The following BCO2 variants were observed in gnomAD, a reference collection of about 807,000 sequenced individuals.
BCO2 encodes carotenoid-cleaving dioxygenase, mitochondrial.
In BCO2, 56 loss-of-function variants were observed where a neutral mutation model predicts 65.8. The observed-to-expected ratio is 0.85, with a 90% CI of 0.69 to 1.06. The LOEUF (loss-of-function observed/expected upper bound fraction) is 1.06. BCO2 is among the 50% of genes least tolerant of loss of function. The probability of loss-of-function intolerance (pLI) is 0.00; values close to 1 mark genes in which losing one functional copy is unlikely to be tolerated. For missense variants in BCO2, 675 were observed against 698.5 expected, an observed-to-expected ratio of 0.97 and a Z score of 0.38; for synonymous variants, 233 against 242.3, an observed-to-expected ratio of 0.96 and a Z score of 0.36.
chr11:112,179,292 A>C lies in BCO2; in HGVS notation c.103A>C (p.Met35Leu), dbSNP rs1328331625. Reference protein sequence around the residue: ...VHRLPVFKRYMGNTPQKKAVF... With the variant: ...VHRLPVFKRYLGNTPQKKAVF... ...CCTCTGCACAGTTTTCAAAAGGTAC[A>C]TGGGAAATACTCCTCAGAAAAAAGC... The change falls in exon 2 of 12, where the codon ATG (methionine) becomes CTG (leucine). Residue 35 changes from methionine (M) to leucine (L), a missense_variant. Transcript: ENST00000357685. 1 of 1,614,070 alleles carries C rather than the reference A, an allele frequency of 6.2e-7. No homozygotes were observed. Among genetic ancestry groups the C allele is most frequent in the African/African-American group, 1.3e-5 (1 of 74,924 alleles).
chr11:112,180,389 T>C (rs1356975093), intron 2 of BCO2, among the ~76,000 whole-genome samples: 2 of 152,236 alleles, frequency 1.3e-5, no homozygotes, highest in East Asian at 3.9e-4. Flanking sequence ...CAGTGTCTGG[T>C]ATTTTTTATT....
At position 112,214,772 on chromosome 11, in the gene BCO2, C is replaced by G. The variant is rs150993927; in HGVS notation, c.1343C>G (p.Ser448Cys). The G allele has an allele frequency of 2.7e-5, 43 of 1,612,962 alleles. No homozygotes were observed. The highest frequency in any genetic ancestry group is 2.9e-5 in the Non-Finnish European group (34 of 1,179,086). The change falls in exon 10 of 12, where the codon TCT becomes TGT. Residue 448 changes from serine (S) to cysteine (C), a missense_variant. Transcript: ENST00000357685. ...TGAAATCTCTTTTAGATCTGGTGCT[C>G]TCATGAAAATCTACATCAGGAGGAC... The part of the protein sequence containing the change: ...VKQADGTIWC[S>C]HENLHQEDLE...
intron 7 of BCO2, 103 bp from the exon 8 acceptor site, chr11:112,201,920 C>CTAAT: frequency 9.9e-7 from 1 of 1,006,214 alleles, no homozygotes; most frequent in South Asian, 1.9e-5. Flanking sequence ...GAAAATCTTT[C>CTAAT]TAATTTTCTT....
At chr11:112,190,642 G>A (rs1016090022) in intron 2 of BCO2, among the ~76,000 whole-genome samples, 1 of 151,996 alleles carries the variant, frequency 6.6e-6, no homozygotes, top group Non-Finnish European at 1.5e-5. Flanking sequence ...GGATCACAAG[G>A]TCAGGAGATC....
chr11:112,203,825 C>T (rs950458892), intron 8 of BCO2, among the ~76,000 whole-genome samples: 1 of 151,944 alleles, frequency 6.6e-6, no homozygotes, highest in African/African-American at 2.4e-5. Context: ...TAAAAAATTC[C>T]ACATAAAAAT....
chr11:112,177,378 T>C (rs1389741628), intron 1 of BCO2, among the ~76,000 whole-genome samples: 1 of 152,146 alleles, frequency 6.6e-6, no homozygotes, highest in East Asian at 1.9e-4. Context: ...AAACTGCATT[T>C]TAGCAGTAAC....
chr11:112,198,131 T>C (rs1867631286), intron 5 of BCO2, among the ~76,000 whole-genome samples: 1 of 152,212 alleles, frequency 6.6e-6, no homozygotes, highest in Admixed American at 6.5e-5. Flanking sequence ...TTTTTACTTA[T>C]TATATGATTT....
intron 5 of BCO2, among the ~76,000 whole-genome samples, chr11:112,196,240 G>C (rs1468177895): frequency 6.6e-6 from 1 of 151,896 alleles, no homozygotes; most frequent in Non-Finnish European, 1.5e-5. Flanking sequence ...TAATCCCAAC[G>C]AACACTGAAT....
At position 112,202,201 on chromosome 11, in the gene BCO2, G is replaced by C. The variant is rs1867754714; in HGVS notation, c.1194+11G>C. On this transcript the variant is annotated intron_variant, in intron 8 of 11. Coordinates refer to ENST00000357685, the MANE Select transcript of BCO2 (RefSeq NM_031938.7). Reference sequence around the variant, plus strand: ...GAAGGGCTTGATCAGGTAAACATTAGAATTTGTCAAGAGTCATCAAAATAA... The same window carrying C: ...GAAGGGCTTGATCAGGTAAACATTACAATTTGTCAAGAGTCATCAAAATAA... The C allele has an allele frequency of 6.3e-7, 1 of 1,597,760 alleles. No homozygotes were observed. The highest frequency in any genetic ancestry group is 1.4e-5 in the African/African-American group (1 of 73,750).
At chr11:112,201,552 G>A (rs985910722) in intron 7 of BCO2, among the ~76,000 whole-genome samples, 2 of 151,966 alleles carry the variant, frequency 1.3e-5, no homozygotes, top group Non-Finnish European at 2.9e-5. Context: ...TATTATATTT[G>A]CCTACTTTTT....
At position 112,202,088 on chromosome 11, in the gene BCO2, C is replaced by A; in HGVS notation, c.1092C>A (p.Asp364Glu). The stretch of plus-strand genomic sequence containing the variant: ...TTCATCAAATCAATGCCTTTGAGGA[C>A]CAGGGCTGTGTTATAATTGATTTGT... ...VTFHQINAFE[D>E]QGCVIIDLCC... The change falls in exon 8 of 12, where the codon GAC becomes GAA. Residue 364 changes from aspartate (D) to glutamate (E), a missense_variant. Coordinates refer to ENST00000357685, the MANE Select transcript of BCO2 (RefSeq NM_031938.7). The A allele has an allele frequency of 6.2e-7, 1 of 1,613,654 alleles. No individual in the cohort carries two copies. Among genetic ancestry groups the A allele is most frequent in the South Asian group, 1.1e-5 (1 of 91,030 alleles).
At chr11:112,180,738 T>C (rs1168990299) in intron 2 of BCO2, 12 of 826,102 alleles carry the variant, frequency 1.5e-5, no homozygotes, top group Non-Finnish European at 2.6e-5. Flanking sequence ...GGTGGGAGGG[T>C]GGTGGCCCAC....
intron 8 of BCO2, among the ~76,000 whole-genome samples, chr11:112,209,156 C>T (rs928231842): frequency 5.3e-5 from 8 of 152,084 alleles, no homozygotes; most frequent in Non-Finnish European, 1.0e-4. Flanking sequence ...ACAGTTCTAC[C>T]GGTTTTGAAA....
intron 8 of BCO2, chr11:112,208,983 G>A (rs889533314): frequency 1.3e-5 from 2 of 153,278 alleles, no homozygotes; most frequent in East Asian, 3.8e-4. Context: ...GTTTTTTAGA[G>A]CAATTTTACT....
At chr11:112,186,974 C>T (rs1051087643) in intron 2 of BCO2, among the ~76,000 whole-genome samples, 5 of 152,158 alleles carry the variant, frequency 3.3e-5, no homozygotes, top group African/African-American at 4.8e-5. Flanking sequence ...CCTGGACTAT[C>T]GCCACTGTAA....
intron 2 of BCO2, among the ~76,000 whole-genome samples, chr11:112,190,543 C>G (rs182603642): frequency 1.2e-3 from 176 of 152,188 alleles, no homozygotes; most frequent in Non-Finnish European, 2.0e-3. Flanking sequence ...AACATCCATT[C>G]TTCCTAAAAA....
chr11:112,181,055 G>C, intron 2 of BCO2: 4 of 1,477,808 alleles, frequency 2.7e-6, no homozygotes, highest in Non-Finnish European at 9.5e-7. Context: ...GACATTAAAT[G>C]TTGGAGGGCG....
chr11:112,190,235 G>T (rs1388934470), intron 2 of BCO2, among the ~76,000 whole-genome samples: 1 of 152,156 alleles, frequency 6.6e-6, no homozygotes, highest in Non-Finnish European at 1.5e-5. Context: ...AGTGAGCTAT[G>T]ACAGTGCCAC....
intron 2 of BCO2, among the ~76,000 whole-genome samples, chr11:112,189,046 A>C (rs1025769122): frequency 3.9e-5 from 6 of 152,234 alleles, no homozygotes; most frequent in African/African-American, 1.4e-4. Context: ...AAAAAGGAAA[A>C]GGCACAAACA....
Sources: allele counts gnomAD v4.1 joint callset (sites outside exome capture counted in the v4.1 genomes callset), GRCh38; gene constraint gnomAD v4.1.1; transcripts MANE v1.5; gene names NCBI Gene and HGNC (gene_info 2026-07-23, HGNC 2026-07-21).